Variants in CHST15 observed in about 807,000 individuals in gnomAD.
The protein encoded by CHST15 is carbohydrate sulfotransferase 15, also known as B cell RAG associated protein (GALNAC4S-6ST).
Under a neutral mutation model 53.6 loss-of-function variants are expected in CHST15, and 30 were observed. The ratio of observed to expected loss-of-function variants is 0.56; its 90% CI spans 0.42 to 0.76. The LOEUF is 0.76. Among genes scored for constraint, CHST15 ranks in the 30% least tolerant of loss-of-function variants. The pLI is 0.00. For missense variants in CHST15, 627 were observed against 740.5 expected, an observed-to-expected ratio of 0.85 and a Z score of 1.78; for synonymous variants, 296 against 289.8, an observed-to-expected ratio of 1.02 and a Z score of -0.22.
At chr10:124,065,717 C>G (rs958313720) in intron 1 of CHST15, among the ~76,000 whole-genome samples, 3 of 152,216 alleles carry the variant, frequency 2.0e-5, no homozygotes, top group African/African-American at 7.2e-5. Flanking sequence ...TCACCCTTAA[C>G]AAAACATGCC....
intron 5 of CHST15, among the ~76,000 whole-genome samples, chr10:124,029,707 T>G (rs559050680): frequency 2.0e-4 from 30 of 152,330 alleles, no homozygotes; most frequent in African/African-American, 6.7e-4. Context: ...TACCCCTGGT[T>G]ATAAAGCCAG....
chr10:124,008,929 G>A lies in CHST15; in HGVS notation c.*1220C>T. ...GGTAAACCAAGCTGCCAAGTGGCCTGGAAAATTCCATGAAGAACACGGCTC... is the reference window on the plus strand; with the variant it reads ...GGTAAACCAAGCTGCCAAGTGGCCTAGAAAATTCCATGAAGAACACGGCTC... On this transcript the variant is annotated 3_prime_UTR_variant, in exon 8 of 8. Transcript: ENST00000435907. 1 of 1,288,740 alleles carries A rather than the reference G, an allele frequency of 7.8e-7. No homozygotes were observed. The highest frequency in any genetic ancestry group is 1.0e-6 in the Non-Finnish European group (1 of 988,360). 79.8% of individuals were successfully genotyped at this position (1,288,740 alleles called of 1,614,324 possible).
Position 124,008,107 on chromosome 10 carries a change from C to T in CHST15, c.*2042G>A. On this transcript the variant is annotated 3_prime_UTR_variant, in exon 8 of 8. Coordinates refer to ENST00000435907, the MANE Select transcript of CHST15 (RefSeq NM_001270764.2). ...CAAATAATATTGGAAATAATACCTT[C>T]AGTAATACTTCTGTAAGAAGCAGAA... is the stretch of plus-strand genomic sequence containing the variant. 3.2e-6 allele frequency: 4 copies of T among 1,231,770 alleles called. No homozygotes were observed. The highest frequency in any genetic ancestry group is 4.0e-6 in the Non-Finnish European group (4 of 987,868). 76.3% of individuals were successfully genotyped at this position (1,231,770 alleles called of 1,614,324 possible).
At chr10:124,088,315 C>T (rs1460645945) in intron 1 of CHST15, among the ~76,000 whole-genome samples, 2 of 152,224 alleles carry the variant, frequency 1.3e-5, no homozygotes, top group South Asian at 2.1e-4. Context: ...GCACGAGCTC[C>T]GCCTCGCCCA....
chr10:124,038,439 T>C (rs1031146145), intron 5 of CHST15, 76 bp downstream of exon 5: 42 of 1,535,414 alleles, frequency 2.7e-5, no homozygotes, highest in Non-Finnish European at 3.7e-5. Flanking sequence ...CAAAATCTTA[T>C]TTGTCATGAG....
intron 6 of CHST15, among the ~76,000 whole-genome samples, chr10:124,016,202 T>TG (rs1946580242): frequency 2.6e-5 from 4 of 152,076 alleles, no homozygotes; most frequent in Admixed American, 2.6e-4. Context: ...CAGAGGGGTC[T>TG]GTGCTGCCCC....
intron 1 of CHST15, among the ~76,000 whole-genome samples, chr10:124,086,023 G>C (rs1357039693): frequency 6.6e-6 from 1 of 152,194 alleles, no homozygotes; most frequent in Non-Finnish European, 1.5e-5. Flanking sequence ...CAAGAGAGAG[G>C]AGGCAGAGAA....
At position 124,019,461 on chromosome 10, in the gene CHST15, C is replaced by G. The variant is rs1038407200; in HGVS notation, c.1347+1795G>C. Among the ~76,000 whole-genome samples the G allele has an allele frequency of 6.6e-6, 1 of 152,182 alleles. No homozygotes were observed. The highest frequency in any genetic ancestry group is 1.5e-5 in the Non-Finnish European group (1 of 68,024). On this transcript the variant is annotated intron_variant, in intron 6 of 7. Coordinates refer to ENST00000435907, the MANE Select transcript of CHST15 (RefSeq NM_001270764.2). This position sits in a 1 kb window ranked among gnomAD's most constrained non-coding sequence, Gnocchi z 4.6. ...ACACAAATAGAGTTTCTCCGAGACCCTGTGTCCCCTGTGACGGTGGCCACA... is the reference window on the plus strand; with the variant it reads ...ACACAAATAGAGTTTCTCCGAGACCGTGTGTCCCCTGTGACGGTGGCCACA...
chr10:124,039,076 C>T (rs1298478494), intron 4 of CHST15, among the ~76,000 whole-genome samples: 3 of 152,156 alleles, frequency 2.0e-5, no homozygotes, highest in African/African-American at 4.8e-5. Flanking sequence ...GTCAGAAAAA[C>T]ACGCCAAAAC....
chr10:124,035,002 T>G (rs112783614), intron 5 of CHST15, among the ~76,000 whole-genome samples: 2 of 41,252 alleles, frequency 4.8e-5, no homozygotes, highest in Admixed American at 2.5e-4. Flanking sequence ...TACCCCCTAA[T>G]AGGGACCCTG....
intron 4 of CHST15, among the ~76,000 whole-genome samples, chr10:124,040,110 T>C (rs531001156): frequency 6.6e-6 from 1 of 152,198 alleles, no homozygotes; most frequent in Admixed American, 6.5e-5. Context: ...AATAAGAATA[T>C]AAAGGACAAG....
rs967383918 is a variant in CHST15, at chr10:124,019,290, G to A, written c.1347+1966C>T. On this transcript the variant is annotated intron_variant, in intron 6 of 7. Coordinates refer to ENST00000435907, the MANE Select transcript of CHST15 (RefSeq NM_001270764.2). The surrounding 1 kb of genome is among the most constrained non-coding windows in gnomAD (Gnocchi z 4.6). Reference sequence around the variant, plus strand: ...TCCTGCCAGCCCCAGCCCTGAGACCGCCCTCAGGGAGCTGCCTTGAGGACC... The same window carrying A: ...TCCTGCCAGCCCCAGCCCTGAGACCACCCTCAGGGAGCTGCCTTGAGGACC... Among the ~76,000 whole-genome samples, 77 of 152,118 alleles carry A rather than the reference G, an allele frequency of 5.1e-4. 1 individual carries two copies. The highest frequency in any genetic ancestry group is 1.7e-3 in the African/African-American group (72 of 41,408).
rs961017486 is a variant in CHST15 at position 124,007,780 on chromosome 10, T to C, written c.*2369A>G. 4.1e-6 allele frequency: 5 copies of C among 1,231,570 alleles called. No homozygotes were observed. The highest frequency in any genetic ancestry group is 5.1e-6 in the Non-Finnish European group (5 of 987,948). 76.3% of individuals were successfully genotyped at this position (1,231,570 alleles called of 1,614,324 possible). ...GTAACTGCGATTCACTTAACATACCTTACAGGACTAAGGGAGTACAATTTA... is the reference window on the plus strand; with the variant it reads ...GTAACTGCGATTCACTTAACATACCCTACAGGACTAAGGGAGTACAATTTA... On this transcript the variant is annotated 3_prime_UTR_variant, in exon 8 of 8. Coordinates refer to ENST00000435907, the MANE Select transcript of CHST15 (RefSeq NM_001270764.2).
rs1171474593 is a variant in CHST15, at chr10:124,074,814, T to C, written c.-513+18655A>G. Reference sequence around the variant, plus strand: ...CCTCCATGAGGACAGGACCTGGGCATGTCTCACTCGCCACTGCCTCCCAGC... The same window carrying C: ...CCTCCATGAGGACAGGACCTGGGCACGTCTCACTCGCCACTGCCTCCCAGC... On this transcript the variant is annotated intron_variant, in intron 1 of 7. Coordinates refer to ENST00000435907, the MANE Select transcript of CHST15 (RefSeq NM_001270764.2). The surrounding 1 kb of genome is among the most constrained non-coding windows in gnomAD (Gnocchi z 4.4). Among the ~76,000 whole-genome samples, 1 of 152,228 alleles carries C rather than the reference T, an allele frequency of 6.6e-6. No homozygotes were observed. The highest frequency in any genetic ancestry group is 6.5e-5 in the Admixed American group (1 of 15,288).
intron 1 of CHST15, among the ~76,000 whole-genome samples, chr10:124,082,077 C>T (rs1006962317): frequency 6.6e-6 from 1 of 152,028 alleles, no homozygotes; most frequent in South Asian, 2.1e-4. Context: ...TTCTGGGCCT[C>T]GGACATCAGA....
chr10:124,076,705 T>C (rs1196631669), intron 1 of CHST15, among the ~76,000 whole-genome samples: 1 of 145,018 alleles, frequency 6.9e-6, no homozygotes, highest in African/African-American at 2.7e-5. Flanking sequence ...ATTTTTAAAT[T>C]CTTAATTTTT....
In CHST15 at chr10:124,010,082, A is replaced by G. The variant is rs746773795; in HGVS notation, c.*67T>C. On this transcript the variant is annotated 3_prime_UTR_variant, in exon 8 of 8. Transcript: ENST00000435907. ...CCATGAGTGAAACAGTTCCCCGCAAAGAGATTTGTAAAATCCTGATGATGA... is the reference window on the plus strand; with the variant it reads ...CCATGAGTGAAACAGTTCCCCGCAAGGAGATTTGTAAAATCCTGATGATGA... 58 of 1,609,930 alleles carry G rather than the reference A, an allele frequency of 3.6e-5. No homozygotes were observed. Among genetic ancestry groups the G allele is most frequent in the Non-Finnish European group, 4.8e-5 (56 of 1,178,756 alleles).
intron 1 of CHST15, among the ~76,000 whole-genome samples, chr10:124,085,854 T>TG (rs887073055): frequency 3.4e-4 from 51 of 150,302 alleles, no homozygotes; most frequent in African/African-American, 1.1e-3. Flanking sequence ...GCAGTGGGGG[T>TG]GGGGGGCTCG....
intron 6 of CHST15, among the ~76,000 whole-genome samples, chr10:124,014,824 G>A (rs981468246): frequency 6.6e-6 from 1 of 152,226 alleles, no homozygotes; most frequent in Non-Finnish European, 1.5e-5. Context: ...ACCTGCACCT[G>A]ACAGATAGTT....
Sources: gnomAD v4.1 joint callset for allele counts (sites outside exome capture counted in the v4.1 genomes callset) on GRCh38, gnomAD v4.1.1 for gene constraint, Gnocchi (gnomAD v3.1) non-coding constraint, MANE v1.5 for transcripts, NCBI Gene and HGNC (gene_info 2026-07-23, HGNC 2026-07-21) for gene names.